RNF144A: variants seen among roughly 807,000 people sequenced by gnomAD.
RNF144A encodes E3 ubiquitin-protein ligase RNF144A.
Under a neutral mutation model 38.7 loss-of-function variants are expected in RNF144A, and 11 were observed. The observed-to-expected ratio is 0.28, with a 90% CI of 0.18 to 0.47. The LOEUF (loss-of-function observed/expected upper bound fraction) is 0.47. Among genes scored for constraint, RNF144A ranks in the 20% least tolerant of loss-of-function variants. RNF144A has a pLI of 0.99. For synonymous variants in RNF144A, 149 were observed against 143.9 expected (o/e 1.04, Z -0.25); for missense variants, 316 against 377.2 (o/e 0.84, Z 1.34).
At chr2:6,995,023 C>T (rs1289397599) in intron 2 of RNF144A, among the ~76,000 whole-genome samples, 1 of 152,148 alleles carries the variant, frequency 6.6e-6, no homozygotes, top group Non-Finnish European at 1.5e-5. Flanking sequence ...GCAGGTGCTT[C>T]CTTCTGGGCC....
rs1476523232 is a variant in RNF144A, at chr2:7,042,031, A to G, written c.*2271A>G. On this transcript the variant is annotated 3_prime_UTR_variant, in exon 9 of 9. Transcript: ENST00000320892. The stretch of plus-strand genomic sequence containing the variant: ...GACCACAGAGATTCTGGGGCCAGCC[A>G]GGGGCAGTCAAATTGGCACCTACTG... 5.1e-6 allele frequency: 5 copies of G among 985,394 alleles called. No homozygotes were observed. The East Asian group carries it at 3.4e-4, about 67-fold the overall frequency. 61.0% of individuals were successfully genotyped at this position (985,394 alleles called of 1,614,324 possible). A position where few individuals can be genotyped will look rare whatever the true frequency, so the allele number is the denominator to read the frequency against.
rs575212965 is a variant in RNF144A at position 6,962,679 on chromosome 2, A to G, written c.-12+21532A>G. On this transcript the variant is annotated intron_variant, in intron 2 of 8. Transcript: ENST00000320892. This position sits in a 1 kb window ranked among gnomAD's most constrained non-coding sequence, Gnocchi z 4.1. ...CTAACACTTAGACAAGAAAATTAAT[A>G]AAACATTAGTTCTTCCCCATTCTAT... Among the ~76,000 whole-genome samples the G allele has an allele frequency of 1.3e-5, 2 of 152,258 alleles. No homozygotes were observed. Among genetic ancestry groups the G allele is most frequent in the East Asian group, 1.9e-4 (1 of 5,202 alleles).
At chr2:7,061,702 T>A (rs1372658491) in intron 6 of RNF144A, among the ~76,000 whole-genome samples, 1 of 152,216 alleles carries the variant, frequency 6.6e-6, no homozygotes, top group African/African-American at 2.4e-5. Context: ...AACTACATCT[T>A]ACATTTACTT....
intron 2 of RNF144A, among the ~76,000 whole-genome samples, chr2:6,986,921 C>T (rs1307539385): frequency 6.6e-6 from 1 of 151,814 alleles, no homozygotes; most frequent in African/African-American, 2.4e-5. Context: ...TTTAATGAGT[C>T]GATGTTTGAT....
rs953667919 is a variant in RNF144A at position 6,962,597 on chromosome 2, C to A, written c.-12+21450C>A. On this transcript the variant is annotated intron_variant, in intron 2 of 8. Transcript: ENST00000320892. This position sits in a 1 kb window ranked among gnomAD's most constrained non-coding sequence, Gnocchi z 4.1. ...TCTGACTGAACACTGGTTTCCTCAT[C>A]TGTGAAGCCAATATCTCATCAGATT... 1.3e-5 allele frequency among the ~76,000 whole-genome samples: 2 copies of A among 152,190 alleles called. No individual in the cohort carries two copies. The highest frequency in any genetic ancestry group is 6.5e-5 in the Admixed American group (1 of 15,284).
At chr2:7,006,502 C>G (rs1670451029) in intron 3 of RNF144A, among the ~76,000 whole-genome samples, 1 of 151,790 alleles carries the variant, frequency 6.6e-6, no homozygotes, top group South Asian at 2.1e-4. Flanking sequence ...AGGGTAAGGG[C>G]CCTGTGACTC....
intron 6 of RNF144A, among the ~76,000 whole-genome samples, chr2:7,022,705 T>C (rs891562672): frequency 3.3e-5 from 5 of 152,210 alleles, no homozygotes; most frequent in Non-Finnish European, 5.9e-5. Context: ...CCAGATCCGG[T>C]GTCTCATGAC....
intron 2 of RNF144A, among the ~76,000 whole-genome samples, chr2:6,995,038 G>A (rs545477673): frequency 3.3e-5 from 5 of 152,232 alleles, no homozygotes; most frequent in Admixed American, 2.6e-4. Context: ...TGGGCCAGAC[G>A]TGTCTTCTCC....
intron 2 of RNF144A, among the ~76,000 whole-genome samples, chr2:6,945,589 T>C (rs1270594843): frequency 1.3e-5 from 2 of 152,198 alleles, no homozygotes; most frequent in African/African-American, 4.8e-5. Context: ...TATAGATTTC[T>C]CTAGAAAGAT....
intron 1 of RNF144A, among the ~76,000 whole-genome samples, chr2:6,922,776 C>A (rs1028647497): frequency 1.3e-5 from 2 of 152,080 alleles, no homozygotes; most frequent in African/African-American, 2.4e-5. Context: ...AGGCGCCCGC[C>A]GCCACACCCT....
intron 2 of RNF144A, among the ~76,000 whole-genome samples, chr2:6,956,825 A>C (rs1376723490): frequency 1.3e-5 from 2 of 152,218 alleles, no homozygotes; most frequent in Non-Finnish European, 2.9e-5. Context: ...TACAAAAAAT[A>C]TGCAGGGCAC....
intron 2 of RNF144A, among the ~76,000 whole-genome samples, chr2:6,961,538 G>A (rs1667338571): frequency 6.6e-6 from 1 of 152,186 alleles, no homozygotes; most frequent in Non-Finnish European, 1.5e-5. Flanking sequence ...TGTATTTGGA[G>A]AGATGAGACA....
At chr2:7,038,603 AGAAG>A (rs570912147) in intron 8 of RNF144A, among the ~76,000 whole-genome samples, 12 of 152,190 alleles carry the variant, frequency 7.9e-5, no homozygotes, top group African/African-American at 2.4e-4. Flanking sequence ...GTGGAGAGAG[AGAAG>A]GAAGGGAAAG....
At chr2:6,996,274 C>A (rs1368586595) in intron 2 of RNF144A, among the ~76,000 whole-genome samples, 1 of 152,176 alleles carries the variant, frequency 6.6e-6, no homozygotes. Context: ...TAAATCCAAG[C>A]AATATGTATT....
chr2:7,044,881 G>A (rs145587077), downstream of RNF144A, among the ~76,000 whole-genome samples: 6 of 152,336 alleles, frequency 3.9e-5, no homozygotes, highest in African/African-American at 1.2e-4. Context: ...TTCATAGTGG[G>A]CACTGAAGAC....
intron 2 of RNF144A, among the ~76,000 whole-genome samples, chr2:6,942,394 A>G (rs1558369464): frequency 6.7e-6 from 1 of 149,564 alleles, no homozygotes; most frequent in East Asian, 1.9e-4. Flanking sequence ...GCGGAGGACA[A>G]GAGTAAAACC....
intron 6 of RNF144A, among the ~76,000 whole-genome samples, chr2:7,054,323 T>C (rs745060): frequency 0.015 from 2,305 of 152,332 alleles, 60 homozygotes; most frequent in African/African-American, 0.053. Context: ...ATATCATACA[T>C]GCACACACAT....
chr2:6,992,139 T>C (rs2103383144), intron 2 of RNF144A, among the ~76,000 whole-genome samples: 1 of 152,298 alleles, frequency 6.6e-6, no homozygotes, highest in South Asian at 2.1e-4. Context: ...CACACAGCCT[T>C]GAGTGAGATA....
chr2:6,935,668 G>A (rs954383628), intron 1 of RNF144A, among the ~76,000 whole-genome samples: 1 of 86,166 alleles, frequency 1.2e-5, no homozygotes, highest in Admixed American at 1.3e-4. Context: ...AGCTCATTTG[G>A]CTTCCAGTGT....
Sources: gnomAD v4.1 joint callset for allele counts (sites outside exome capture counted in the v4.1 genomes callset) on GRCh38, gnomAD v4.1.1 for gene constraint, Gnocchi (gnomAD v3.1) non-coding constraint, MANE v1.5 for transcripts, NCBI Gene and HGNC (gene_info 2026-07-23, HGNC 2026-07-21) for gene names.